The following PLXNA2 variants were observed in gnomAD, a reference collection of about 807,000 sequenced individuals.
PLXNA2 encodes the protein plexin-A2.
In PLXNA2, 91 loss-of-function variants were observed where a neutral mutation model predicts 193.5. That is an observed-to-expected ratio of 0.47 (90% CI 0.40 to 0.56). The LOEUF is 0.56. Among genes scored for constraint, PLXNA2 ranks in the 20% least tolerant of loss-of-function variants. The probability of loss-of-function intolerance (pLI) is 0.00; values close to 1 mark genes in which losing one functional copy is unlikely to be tolerated. For missense variants in PLXNA2, 1,995 were observed against 2,503.2 expected (o/e 0.80, Z 4.33); for synonymous variants, 997 against 1,027.3 (o/e 0.97, Z 0.56).
chr1:208,049,209 G>T (rs181228657), intron 17 of PLXNA2, among the ~76,000 whole-genome samples: 1 of 152,056 alleles, frequency 6.6e-6, no homozygotes, highest in Non-Finnish European at 1.5e-5. Context: ...CTCTTCTCTT[G>T]GGATTTGATC....
intron 4 of PLXNA2, among the ~76,000 whole-genome samples, chr1:208,110,990 C>T (rs780317264): frequency 6.6e-6 from 1 of 152,154 alleles, no homozygotes; most frequent in African/African-American, 2.4e-5. Flanking sequence ...AGGAGCCAGA[C>T]AGCAAGAGAG....
chr1:208,079,332 A>G lies in PLXNA2; in HGVS notation c.2514T>C (p.Cys838=). 2 of 1,614,002 alleles carry G rather than the reference A, an allele frequency of 1.2e-6. No homozygotes were observed. Among genetic ancestry groups the G allele is most frequent in the Non-Finnish European group, 8.5e-7 (1 of 1,179,894 alleles). ...CGAGCCAGGGGCTGGAAGGGCTGGT[A>G]CAGTGCTGGTGGAGGGTGCACCTGC... The part of the protein sequence containing the change: ...GERRCTLHQH[C]TSPSSPWLDW... The change falls in exon 12 of 32, where the codon TGT becomes TGC. Residue 838 remains cysteine, a synonymous_variant. Transcript: ENST00000367033.
intron 4 of PLXNA2, among the ~76,000 whole-genome samples, chr1:208,118,792 C>G (rs992518447): frequency 3.3e-5 from 5 of 151,664 alleles, no homozygotes; most frequent in African/African-American, 1.2e-4. Context: ...TTAATTAGAG[C>G]AAATAATCAC....
intron 27 of PLXNA2, among the ~76,000 whole-genome samples, chr1:208,033,872 A>G (rs10158303): frequency 6.6e-6 from 1 of 152,164 alleles, no homozygotes. Context: ...AAGAGCTGCA[A>G]GTTGTAATTC....
intron 3 of PLXNA2, among the ~76,000 whole-genome samples, chr1:208,183,344 C>T (rs1669902231): frequency 1.3e-5 from 2 of 152,194 alleles, no homozygotes; most frequent in South Asian, 4.1e-4. Context: ...CCTCACTCTG[C>T]CTTCCTGTCT....
chr1:208,064,643 C>T (rs893014186), intron 12 of PLXNA2, among the ~76,000 whole-genome samples: 1 of 152,352 alleles, frequency 6.6e-6, no homozygotes, highest in East Asian at 1.9e-4. Flanking sequence ...CTTCTGTAAG[C>T]CTTCCAGGCA....
In PLXNA2 at chr1:208,039,664, C is replaced by T; in HGVS notation, c.4457G>A (p.Ser1486Asn). 2 of 1,614,236 alleles carry T rather than the reference C, an allele frequency of 1.2e-6. No homozygotes were observed. Among genetic ancestry groups the T allele is most frequent in the Non-Finnish European group, 1.7e-6 (2 of 1,180,046 alleles). The change falls in exon 24 of 32, where the codon AGC (serine) becomes AAC (asparagine). Residue 1486 changes from serine (S) to asparagine (N), a missense_variant. Physicochemically the swap from Ser to Asn is conservative, Grantham distance 46. Coordinates refer to ENST00000367033, the MANE Select transcript of PLXNA2 (RefSeq NM_025179.4). ...CTGCTGCCGGATGAGCTTGTCCTCG[C>T]TCAGGGAGTAGCGGGCCTCGCCCGT... ...AITGEARYSL[S>N]EDKLIRQQIE...
At chr1:208,223,809 T>C (rs1454706663) in intron 1 of PLXNA2, among the ~76,000 whole-genome samples, 1 of 152,204 alleles carries the variant, frequency 6.6e-6, no homozygotes, top group Non-Finnish European at 1.5e-5. Flanking sequence ...ACATTCTGCC[T>C]AGAGAGGATC....
intron 1 of PLXNA2, among the ~76,000 whole-genome samples, chr1:208,225,024 G>A (rs1671467558): frequency 6.6e-6 from 1 of 152,184 alleles, no homozygotes; most frequent in African/African-American, 2.4e-5. Flanking sequence ...CAGGCGGTGA[G>A]GCAGCAGGGG....
chr1:208,104,824 A>C (rs1197132718), intron 4 of PLXNA2, among the ~76,000 whole-genome samples: 2 of 152,162 alleles, frequency 1.3e-5, no homozygotes, highest in Non-Finnish European at 2.9e-5. Flanking sequence ...TTTAATAATA[A>C]AAACATGAAA....
intron 5 of PLXNA2, among the ~76,000 whole-genome samples, chr1:208,102,077 A>G (rs1297355873): frequency 6.6e-6 from 1 of 152,240 alleles, no homozygotes; most frequent in Admixed American, 6.5e-5. Context: ...CATTTCTGCA[A>G]AACTTTCTGA....
chr1:208,151,409 T>A (rs1668757948), intron 3 of PLXNA2, among the ~76,000 whole-genome samples: 2 of 152,164 alleles, frequency 1.3e-5, no homozygotes. Context: ...TTAGAGCCAC[T>A]CTTTCAGGTC....
At chr1:208,173,690 TGCA>T (rs1421690354) in intron 3 of PLXNA2, among the ~76,000 whole-genome samples, 1 of 152,236 alleles carries the variant, frequency 6.6e-6, no homozygotes, top group South Asian at 2.1e-4. Flanking sequence ...TCTGGGGCTG[TGCA>T]TGCTGAGCCT....
At chr1:208,186,182 T>G (rs145913666) in intron 3 of PLXNA2, among the ~76,000 whole-genome samples, 1 of 152,302 alleles carries the variant, frequency 6.6e-6, no homozygotes, top group East Asian at 1.9e-4. Context: ...TTTAAATCCA[T>G]CTTTCCTTCT....
chr1:208,097,791 A>C (rs1666949119), intron 6 of PLXNA2, among the ~76,000 whole-genome samples: 1 of 151,976 alleles, frequency 6.6e-6, no homozygotes, highest in Non-Finnish European at 1.5e-5. Context: ...AGGTGTGCCC[A>C]TAGGGTTCAT....
intron 28 of PLXNA2, 39 bp from the exon 29 acceptor site, chr1:208,031,798 G>T (rs1221915203): frequency 6.7e-7 from 1 of 1,493,170 alleles, no homozygotes; most frequent in East Asian, 2.3e-5. Flanking sequence ...GGAGGGGGGT[G>T]ACGGCAGGTA....
At position 208,027,120 on chromosome 1, in the gene PLXNA2, G is replaced by A. The variant is rs973190517; in HGVS notation, c.*123C>T. ...GGAGAGGAGTCCTCCCCTCTCCCCAGGATGGGGTCTCAGGGGACAGCAAGC... is the reference window on the plus strand; with the variant it reads ...GGAGAGGAGTCCTCCCCTCTCCCCAAGATGGGGTCTCAGGGGACAGCAAGC... On this transcript the variant is annotated 3_prime_UTR_variant, in exon 32 of 32. Coordinates refer to ENST00000367033, the MANE Select transcript of PLXNA2 (RefSeq NM_025179.4). The A allele has an allele frequency of 2.3e-6, 2 of 887,980 alleles. No homozygotes were observed. Among genetic ancestry groups the A allele is most frequent in the African/African-American group, 3.3e-5 (2 of 60,930 alleles). The allele number at this position is 887,980 out of a possible 1,614,324, so 55.0% of individuals were successfully genotyped here. A position where few individuals can be genotyped will look rare whatever the true frequency, so the allele number is the denominator to read the frequency against.
At chr1:208,229,452 G>T (rs573363916) in intron 1 of PLXNA2, among the ~76,000 whole-genome samples, 60 of 152,182 alleles carry the variant, frequency 3.9e-4, no homozygotes, top group Non-Finnish European at 2.9e-5. Context: ...GGGTGCCCAG[G>T]TGTGCTCATT....
intron 3 of PLXNA2, among the ~76,000 whole-genome samples, chr1:208,150,783 C>T (rs1310023674): frequency 6.6e-6 from 1 of 152,162 alleles, no homozygotes; most frequent in Admixed American, 6.5e-5. Flanking sequence ...CTCACAAAGG[C>T]ACCAAGCACC....
Sources: gnomAD v4.1 joint callset for allele counts (sites outside exome capture counted in the v4.1 genomes callset) on GRCh38, gnomAD v4.1.1 for gene constraint, MANE v1.5 for transcripts, NCBI Gene and HGNC (gene_info 2026-07-23, HGNC 2026-07-21) for gene names.